HPGD: variants seen among roughly 807,000 people sequenced by gnomAD.
HPGD encodes the protein 15-hydroxyprostaglandin dehydrogenase [NAD(+)].
HPGD carries 29 observed loss-of-function variants against 30.0 expected under a neutral mutation model. The observed-to-expected ratio is 0.97, with a 90% confidence interval of 0.72 to 1.32. HPGD has a LOEUF of 1.32. HPGD is among the 40% of genes most tolerant of loss of function. The pLI is 0.00. For synonymous variants in HPGD, 99 were observed against 112.4 expected (o/e 0.88, Z 0.75); for missense variants, 340 against 322.1 (o/e 1.06, Z -0.43).
chr4:174,516,310 T>TTA (rs1554000470), intron 3 of HPGD, among the ~76,000 whole-genome samples: 2 of 151,882 alleles, frequency 1.3e-5, no homozygotes, highest in Non-Finnish European at 2.9e-5. Flanking sequence ...CACACACCCA[T>TTA]AAAAAAGGAA....
chr4:174,510,744 G>A (rs1735444535), intron 3 of HPGD, among the ~76,000 whole-genome samples: 1 of 152,116 alleles, frequency 6.6e-6, no homozygotes, highest in Non-Finnish European at 1.5e-5. Flanking sequence ...GTGTAGAAAT[G>A]ACATTTTTCA....
intron 4 of HPGD, among the ~76,000 whole-genome samples, chr4:174,501,580 G>A (rs146340054): frequency 3.9e-4 from 60 of 152,046 alleles, no homozygotes; most frequent in Non-Finnish European, 7.5e-4. Context: ...ATTTATGTCT[G>A]TCACAACTGT....
rs1386124155 is a variant in HPGD, at chr4:174,518,054, G to A, written c.241C>T (p.His81Tyr). The A allele has an allele frequency of 1.3e-6, 2 of 1,586,864 alleles. No individual in the cohort carries two copies. The highest frequency in any genetic ancestry group is 1.3e-5 in the African/African-American group (1 of 74,326). The change falls in exon 3 of 7, where the codon CAC (histidine) becomes TAC (tyrosine). Residue 81 changes from histidine to tyrosine, a missense_variant. His to Tyr is a moderately conservative substitution (Grantham distance 83). Transcript: ENST00000296522. ...LRDTFRKVVD[H>Y]FGRLDILVNN... The stretch of plus-strand genomic sequence containing the variant: ...ACCAAAATGTCCAGTCTTCCAAAGT[G>A]GTCTACAACTTTTCTAAAAGTGTCT...
intron 2 of HPGD, 147 bp downstream of exon 2, chr4:174,521,797 C>A: frequency 1.1e-6 from 1 of 878,420 alleles, no homozygotes. Context: ...GGAAACGTAT[C>A]AGTCCAAACT....
intron 3 of HPGD, 103 bp downstream of exon 3, chr4:174,517,868 G>T: frequency 6.2e-6 from 4 of 650,198 alleles, no homozygotes; most frequent in East Asian, 5.6e-5. Context: ...TTTCAATATT[G>T]TAGGTCATTG....
At chr4:174,522,523 C>A, upstream of HPGD, 1 of 1,220,140 alleles carries the variant, frequency 8.2e-7, no homozygotes, top group Non-Finnish European at 1.1e-6. Flanking sequence ...TTATGCCCCC[C>A]TGCGCGCGCG....
chr4:174,518,793 T>C (rs1735924123), intron 2 of HPGD, among the ~76,000 whole-genome samples: 1 of 152,212 alleles, frequency 6.6e-6, no homozygotes, highest in African/African-American at 2.4e-5. Context: ...TGAATGTCTT[T>C]CATTACACTG....
chr4:174,506,344 T>C (rs542943025), intron 4 of HPGD, among the ~76,000 whole-genome samples: 53 of 152,336 alleles, frequency 3.5e-4, no homozygotes, highest in African/African-American at 1.2e-3. Flanking sequence ...CTGAAGAGAC[T>C]AGCAAATTGC....
rs45444596 is a variant in HPGD at position 174,518,240 on chromosome 4, T to C, written c.218-163A>G. On this transcript the variant is annotated intron_variant, in intron 2 of 6. Coordinates refer to ENST00000296522, the MANE Select transcript of HPGD (RefSeq NM_000860.6). ...TAATTCCTTGTTTCTCAATGTGTGGTTTGTGGACTAGAAGCATCAATCTGG... is the reference window on the plus strand; with the variant it reads ...TAATTCCTTGTTTCTCAATGTGTGGCTTGTGGACTAGAAGCATCAATCTGG... Among the ~76,000 whole-genome samples the C allele has an allele frequency of 5.6e-3, 856 of 152,314 alleles. 9 individuals carry two copies. The highest frequency in any genetic ancestry group is 0.02 in the African/African-American group (820 of 41,574).
chr4:174,499,687 T>C (rs1459683712), intron 4 of HPGD, among the ~76,000 whole-genome samples: 3 of 152,184 alleles, frequency 2.0e-5, no homozygotes, highest in Non-Finnish European at 4.4e-5. Flanking sequence ...TCATTTTCCT[T>C]GATCCCTTCC....
chr4:174,493,417 A>T, intron 5 of HPGD, 103 bp from the exon 6 acceptor site: 11 of 1,045,196 alleles, frequency 1.1e-5, no homozygotes, highest in Non-Finnish European at 1.6e-5. Flanking sequence ...AAAAAATACT[A>T]ATTAGATATC....
At position 174,496,224 on chromosome 4, in the gene HPGD, A is replaced by G. The variant is rs1384002109; in HGVS notation, c.422-600T>C. The stretch of plus-strand genomic sequence containing the variant: ...GATCTTTTTGTCCTATGACTTAGGA[A>G]GATAGAAATAAACATTTGTGGTCCT... On this transcript the variant is annotated intron_variant, in intron 4 of 6. Coordinates refer to ENST00000296522, the MANE Select transcript of HPGD (RefSeq NM_000860.6). The surrounding 1 kb of genome is among the most constrained non-coding windows in gnomAD (Gnocchi z 4.6). 1.3e-5 allele frequency among the ~76,000 whole-genome samples: 2 copies of G among 152,238 alleles called. No individual in the cohort carries two copies. Among genetic ancestry groups the G allele is most frequent in the African/African-American group, 4.8e-5 (2 of 41,462 alleles).
At chr4:174,514,609 A>G (rs73008775) in intron 3 of HPGD, among the ~76,000 whole-genome samples, 118 of 152,276 alleles carry the variant, frequency 7.7e-4, no homozygotes, top group African/African-American at 2.5e-3. Context: ...CTGAAACAAG[A>G]CAAGGATACC....
chr4:174,501,470 G>A (rs1334824055), intron 4 of HPGD, among the ~76,000 whole-genome samples: 1 of 152,130 alleles, frequency 6.6e-6, no homozygotes, highest in East Asian at 1.9e-4. Context: ...GTTAAGAACA[G>A]TATTTTTCAG....
At chr4:174,516,994 C>T in intron 3 of HPGD, among the ~76,000 whole-genome samples, 1 of 152,180 alleles carries the variant, frequency 6.6e-6, no homozygotes, top group East Asian at 1.9e-4. Context: ...TAGGAGGTCA[C>T]TCCCTGTACC....
chr4:174,509,749 A>G (rs963621906), intron 3 of HPGD, among the ~76,000 whole-genome samples: 4 of 152,146 alleles, frequency 2.6e-5, no homozygotes, highest in Admixed American at 2.0e-4. Context: ...TGTTTTATCC[A>G]GTTTAAGTGG....
chr4:174,515,184 T>C (rs927305086), intron 3 of HPGD, among the ~76,000 whole-genome samples: 1 of 152,000 alleles, frequency 6.6e-6, no homozygotes, highest in Non-Finnish European at 1.5e-5. Flanking sequence ...TCATATGGAA[T>C]CCAAAAAGAG....
At chr4:174,519,834 T>G (rs2051408136) in intron 2 of HPGD, among the ~76,000 whole-genome samples, 1 of 152,178 alleles carries the variant, frequency 6.6e-6, no homozygotes, top group Admixed American at 6.5e-5. Context: ...ACAGCCTTGT[T>G]GCTCACACAA....
chr4:174,518,702 T>C, intron 2 of HPGD, among the ~76,000 whole-genome samples: 1 of 152,182 alleles, frequency 6.6e-6, no homozygotes, highest in East Asian at 1.9e-4. Context: ...CTCACTATTA[T>C]TACTACTTCA....
Sources: gnomAD v4.1 joint callset for allele counts (sites outside exome capture counted in the v4.1 genomes callset) on GRCh38, gnomAD v4.1.1 for gene constraint, Gnocchi (gnomAD v3.1) non-coding constraint, MANE v1.5 for transcripts, NCBI Gene and HGNC (gene_info 2026-07-23, HGNC 2026-07-21) for gene names.